KSR2: variants seen among roughly 807,000 people sequenced by gnomAD.
KSR2 encodes kinase suppressor of ras 2.
In KSR2, 25 loss-of-function variants were observed where a neutral mutation model predicts 107.8. The ratio of observed to expected loss-of-function variants is 0.23; its 90% CI spans 0.17 to 0.32. The LOEUF is 0.32. KSR2 is among the 10% of genes least tolerant of loss of function. The pLI, the probability that KSR2 is intolerant of heterozygous loss-of-function variation, is 1.00. For missense variants in KSR2, 887 were observed against 1,268.9 expected, an observed-to-expected ratio of 0.70 and a Z score of 4.57; for synonymous variants, 480 against 507.0, an observed-to-expected ratio of 0.95 and a Z score of 0.71.
At chr12:117,603,853 C>T (rs1275731547) in intron 5 of KSR2, among the ~76,000 whole-genome samples, 1 of 152,188 alleles carries the variant, frequency 6.6e-6, no homozygotes, top group Non-Finnish European at 1.5e-5. Context: ...GGCTTTCTTC[C>T]CTAAGGGCTA....
chr12:117,656,963 G>GATATAT (rs199502933), intron 5 of KSR2, among the ~76,000 whole-genome samples: 20 of 88,838 alleles, frequency 2.3e-4, no homozygotes, highest in African/African-American at 4.8e-4. Context: ...TATATAATAG[G>GATATAT]ATATATATAT....
intron 3 of KSR2, among the ~76,000 whole-genome samples, chr12:117,800,291 G>A (rs1266290165): frequency 2.0e-5 from 3 of 152,106 alleles, no homozygotes; most frequent in Non-Finnish European, 4.4e-5. Context: ...CACTATACAT[G>A]TTGGGTGGGT....
chr12:117,760,561 T>C (rs1248617847), intron 4 of KSR2, among the ~76,000 whole-genome samples: 2 of 152,236 alleles, frequency 1.3e-5, no homozygotes, highest in Admixed American at 6.5e-5. Flanking sequence ...AAGGTTAATA[T>C]ATGCCTCATA....
rs1411775251 is a variant in KSR2, at chr12:117,907,275, G to C, written c.181-46844C>G. 6.6e-6 allele frequency among the ~76,000 whole-genome samples: 1 copy of C among 152,126 alleles called. No individual in the cohort carries two copies. The highest frequency in any genetic ancestry group is 6.6e-5 in the Admixed American group (1 of 15,266). ...TGAGCCATTACACCAAACTGCCTTC[G>C]TTCTGGATGGGGGCGTCCTGACATG... On this transcript the variant is annotated intron_variant, in intron 1 of 19. Coordinates refer to ENST00000339824, the MANE Select transcript of KSR2 (RefSeq NM_173598.6). The surrounding 1 kb of genome is among the most constrained non-coding windows in gnomAD (Gnocchi z 4.3).
At chr12:117,481,263 C>G (rs1872158642) in intron 16 of KSR2, among the ~76,000 whole-genome samples, 1 of 152,134 alleles carries the variant, frequency 6.6e-6, no homozygotes, top group Non-Finnish European at 1.5e-5. Context: ...GTATTATAGA[C>G]TGAATTTTGC....
chr12:117,674,364 G>T (rs770407390), intron 4 of KSR2: 1 of 469,104 alleles, frequency 2.1e-6, no homozygotes, highest in Non-Finnish European at 4.3e-6. Flanking sequence ...ATACTAAAGT[G>T]AAATTCACAG....
At chr12:117,578,806 T>C (rs1728859431) in intron 7 of KSR2, among the ~76,000 whole-genome samples, 1 of 152,154 alleles carries the variant, frequency 6.6e-6, no homozygotes, top group African/African-American at 2.4e-5. Context: ...ATATTTACTA[T>C]CTGGTCAACT....
chr12:117,845,659 C>T (rs943335698), intron 3 of KSR2, among the ~76,000 whole-genome samples: 1 of 151,480 alleles, frequency 6.6e-6, no homozygotes, highest in Non-Finnish European at 1.5e-5. Context: ...GCCTTAAAAG[C>T]GGAACTGAGA....
chr12:117,595,850 G>A (rs1338122586), intron 5 of KSR2, among the ~76,000 whole-genome samples: 5 of 152,176 alleles, frequency 3.3e-5, no homozygotes, highest in East Asian at 3.9e-4. Context: ...GGAAACTACC[G>A]TTCCAATGTC....
chr12:117,628,483 C>T (rs1374970219), intron 5 of KSR2, among the ~76,000 whole-genome samples: 4 of 152,160 alleles, frequency 2.6e-5, no homozygotes, highest in African/African-American at 9.7e-5. Flanking sequence ...TTGGAGTTTG[C>T]TAGAGTTCTA....
chr12:117,642,523 C>T (rs1883424545), intron 5 of KSR2, among the ~76,000 whole-genome samples: 1 of 152,206 alleles, frequency 6.6e-6, no homozygotes, highest in South Asian at 2.1e-4. Flanking sequence ...TCTTTCCTCC[C>T]TCTTGGTTGA....
chr12:117,968,470 G>A lies in KSR2; in HGVS notation c.-215C>T. On this transcript the variant is annotated 5_prime_UTR_variant, in exon 1 of 20. Coordinates refer to ENST00000339824, the MANE Select transcript of KSR2 (RefSeq NM_173598.6). ...TTATTATTTTATTTTGGGATATCAAGCGGACTCCATTAGAATGTCTCCTCT... is the reference window on the plus strand; with the variant it reads ...TTATTATTTTATTTTGGGATATCAAACGGACTCCATTAGAATGTCTCCTCT... 1 of 1,320,414 alleles carries A rather than the reference G, an allele frequency of 7.6e-7. No homozygotes were observed. The highest frequency in any genetic ancestry group is 9.6e-7 in the Non-Finnish European group (1 of 1,042,792). The allele number at this position is 1,320,414 out of a possible 1,614,324, so 81.8% of individuals were successfully genotyped here.
chr12:117,921,011 G>A (rs1334480176), intron 1 of KSR2, among the ~76,000 whole-genome samples: 6 of 152,138 alleles, frequency 3.9e-5, no homozygotes, highest in Non-Finnish European at 8.8e-5. Context: ...TCTTTGAGAG[G>A]CAATAACAGT....
intron 3 of KSR2, among the ~76,000 whole-genome samples, chr12:117,785,674 A>T (rs1192783202): frequency 2.0e-5 from 3 of 152,144 alleles, no homozygotes; most frequent in Non-Finnish European, 4.4e-5. Flanking sequence ...CATTTACTGG[A>T]TGAGCTCAAT....
intron 1 of KSR2, among the ~76,000 whole-genome samples, chr12:117,872,583 A>G (rs959602293): frequency 2.2e-4 from 34 of 152,032 alleles, no homozygotes; most frequent in African/African-American, 7.0e-4. Flanking sequence ...AAAAAAAATC[A>G]AATTTCTAGG....
intron 5 of KSR2, among the ~76,000 whole-genome samples, chr12:117,656,037 G>A (rs951255174): frequency 3.3e-5 from 5 of 152,146 alleles, no homozygotes; most frequent in African/African-American, 7.2e-5. Flanking sequence ...GAAGGCAAAC[G>A]GAATACAGAA....
At chr12:117,505,307 C>T (rs1044367554) in intron 14 of KSR2, among the ~76,000 whole-genome samples, 3 of 152,080 alleles carry the variant, frequency 2.0e-5, no homozygotes, top group Non-Finnish European at 4.4e-5. Context: ...AATAGCTGGC[C>T]CCATTTTCCA....
chr12:117,490,710 T>C lies in KSR2; in HGVS notation c.2220-5019A>G, dbSNP rs570807248. Among the ~76,000 whole-genome samples, 99 of 152,306 alleles carry C rather than the reference T, an allele frequency of 6.5e-4. 1 individual carries two copies. Among genetic ancestry groups the C allele is most frequent in the African/African-American group, 2.3e-3 (94 of 41,566 alleles). On this transcript the variant is annotated intron_variant, in intron 14 of 19. Coordinates refer to ENST00000339824, the MANE Select transcript of KSR2 (RefSeq NM_173598.6). Reference sequence around the variant, plus strand: ...TGCACCCAGCCTAAATGGTGAATATTCTAATTGAAGGTATCTTCAATGATT... The same window carrying C: ...TGCACCCAGCCTAAATGGTGAATATCCTAATTGAAGGTATCTTCAATGATT...
intron 4 of KSR2, among the ~76,000 whole-genome samples, chr12:117,689,494 C>T (rs563208420): frequency 6.6e-6 from 1 of 152,316 alleles, no homozygotes; most frequent in East Asian, 1.9e-4. Context: ...TCGATTCTGC[C>T]TTTACAAAAG....
Sources: allele counts gnomAD v4.1 joint callset (sites outside exome capture counted in the v4.1 genomes callset), GRCh38; gene constraint gnomAD v4.1.1; non-coding constraint Gnocchi (gnomAD v3.1); transcripts MANE v1.5; gene names NCBI Gene and HGNC (gene_info 2026-07-23, HGNC 2026-07-21).